The following PLD1 variants were observed in gnomAD, a reference collection of about 807,000 sequenced individuals.
PLD1 encodes choline phosphatase 1.
In PLD1, 112 loss-of-function variants were observed where a neutral mutation model predicts 137.1. The ratio of observed to expected loss-of-function variants is 0.82; its 90% confidence interval spans 0.70 to 0.96. The LOEUF (loss-of-function observed/expected upper bound fraction) is 0.96. PLD1 is among the 40% of genes least tolerant of loss of function. The pLI, the probability that PLD1 is intolerant of heterozygous loss-of-function variation, is 0.00. For synonymous variants in PLD1, 431 were observed against 454.7 expected (o/e 0.95, Z 0.66); for missense variants, 1,321 against 1,342.0 (o/e 0.98, Z 0.24).
chr3:171,779,268 G>T (rs544718607), intron 1 of PLD1, among the ~76,000 whole-genome samples: 114 of 152,302 alleles, frequency 7.5e-4, no homozygotes, highest in Non-Finnish European at 1.4e-3. Context: ...TATTGCAGTA[G>T]TCCAGGTGGG....
At chr3:171,648,535 C>T (rs1736460824) in intron 21 of PLD1, among the ~76,000 whole-genome samples, 1 of 151,688 alleles carries the variant, frequency 6.6e-6, no homozygotes, top group Admixed American at 6.6e-5. Flanking sequence ...CTTGGAAATC[C>T]TTCCACATAA....
intron 23 of PLD1, among the ~76,000 whole-genome samples, chr3:171,623,612 G>A (rs888531735): frequency 7.9e-5 from 12 of 151,702 alleles, no homozygotes; most frequent in East Asian, 1.9e-4. Context: ...ATGAGCCACC[G>A]TGCCAGGCCA....
intron 23 of PLD1, among the ~76,000 whole-genome samples, chr3:171,633,783 A>T (rs1010019471): frequency 4.6e-5 from 7 of 152,274 alleles, no homozygotes; most frequent in African/African-American, 1.7e-4. Context: ...TCTGGCCCTT[A>T]TCTTAAATTA....
intron 3 of PLD1, among the ~76,000 whole-genome samples, chr3:171,736,824 C>T (rs930129947): frequency 2.0e-5 from 3 of 152,162 alleles, no homozygotes; most frequent in East Asian, 1.9e-4. Flanking sequence ...TGTCCTCCCC[C>T]GGAGACTTAA....
intron 8 of PLD1, among the ~76,000 whole-genome samples, chr3:171,720,439 G>A (rs1718031567): frequency 6.6e-6 from 1 of 151,990 alleles, no homozygotes; most frequent in East Asian, 1.9e-4. Flanking sequence ...AAAATTAGCC[G>A]GGCGTCATGC....
chr3:171,733,129 T>G (rs1396539442), intron 6 of PLD1, among the ~76,000 whole-genome samples: 5 of 152,236 alleles, frequency 3.3e-5, no homozygotes, highest in Non-Finnish European at 7.3e-5. Flanking sequence ...AAATGCTTTT[T>G]GGCATTATCC....
At chr3:171,751,728 C>T (rs950323277) in intron 1 of PLD1, among the ~76,000 whole-genome samples, 6 of 152,128 alleles carry the variant, frequency 3.9e-5, no homozygotes, top group South Asian at 2.1e-4. Flanking sequence ...TGGCCAAGCG[C>T]GGTGGCTCAC....
At chr3:171,729,885 A>T (rs1361508582) in intron 6 of PLD1, among the ~76,000 whole-genome samples, 2 of 152,176 alleles carry the variant, frequency 1.3e-5, no homozygotes, top group African/African-American at 2.4e-5. Context: ...ACTCAGTATT[A>T]TTGATCTGTG....
chr3:171,768,534 G>T (rs918536904), intron 1 of PLD1, among the ~76,000 whole-genome samples: 1 of 152,170 alleles, frequency 6.6e-6, no homozygotes, highest in African/African-American at 2.4e-5. Flanking sequence ...GAACGGAACT[G>T]GTCCATCAGG....
At chr3:171,769,731 A>G (rs1039814548) in intron 1 of PLD1, among the ~76,000 whole-genome samples, 2 of 152,208 alleles carry the variant, frequency 1.3e-5, no homozygotes, top group Non-Finnish European at 2.9e-5. Flanking sequence ...AGTTTAGCAT[A>G]TCACCTCAGA....
intron 8 of PLD1, among the ~76,000 whole-genome samples, chr3:171,720,635 C>T (rs1053115475): frequency 2.6e-5 from 4 of 151,414 alleles, no homozygotes; most frequent in Non-Finnish European, 5.9e-5. Flanking sequence ...TATATGTTAT[C>T]ATCTATATAT....
At chr3:171,694,261 A>G (rs1715479211) in intron 12 of PLD1, among the ~76,000 whole-genome samples, 1 of 152,084 alleles carries the variant, frequency 6.6e-6, no homozygotes, top group Non-Finnish European at 1.5e-5. Flanking sequence ...AAGAATATAT[A>G]TGTCATACTA....
chr3:171,707,171 T>C (rs553634136), intron 11 of PLD1, among the ~76,000 whole-genome samples: 15 of 152,148 alleles, frequency 9.9e-5, no homozygotes, highest in South Asian at 2.1e-4. Context: ...TTTCAGAAGG[T>C]AGAGGGAGAG....
intron 24 of PLD1, among the ~76,000 whole-genome samples, chr3:171,617,926 C>T (rs1733256200): frequency 6.6e-6 from 1 of 151,840 alleles, no homozygotes; most frequent in Non-Finnish European, 1.5e-5. Context: ...ATATTCTCAA[C>T]CTAACTTCTC....
At chr3:171,798,933 C>A (rs1243298134) in intron 1 of PLD1, among the ~76,000 whole-genome samples, 1 of 152,166 alleles carries the variant, frequency 6.6e-6, no homozygotes, top group Non-Finnish European at 1.5e-5. Flanking sequence ...TCATGGGTAG[C>A]CTACCGCACA....
chr3:171,804,553 C>A (rs576261246), intron 1 of PLD1, among the ~76,000 whole-genome samples: 1 of 152,278 alleles, frequency 6.6e-6, no homozygotes, highest in East Asian at 1.9e-4. Flanking sequence ...CCTCAAGGAC[C>A]TTGCCCTCTC....
At chr3:171,611,332 T>C (rs1478450776) in intron 25 of PLD1, 1 of 191,114 alleles carries the variant, frequency 5.2e-6, no homozygotes, top group African/African-American at 2.3e-5. Context: ...GACGAGATTA[T>C]ATTACTTGTT....
intron 6 of PLD1, among the ~76,000 whole-genome samples, chr3:171,732,438 G>C (rs576711890): frequency 5.3e-5 from 8 of 152,278 alleles, no homozygotes; most frequent in East Asian, 1.9e-4. Context: ...CAGGTCACCT[G>C]TGTGTAATGG....
intron 19 of PLD1, among the ~76,000 whole-genome samples, chr3:171,673,264 C>T (rs1033995672): frequency 1.3e-5 from 2 of 151,334 alleles, no homozygotes; most frequent in East Asian, 1.9e-4. Context: ...TATTTGCTGC[C>T]GATATTTCTC....
Sources: gnomAD v4.1 joint callset for allele counts (sites outside exome capture counted in the v4.1 genomes callset) on GRCh38, gnomAD v4.1.1 for gene constraint, MANE v1.5 for transcripts, NCBI Gene and HGNC (gene_info 2026-07-23, HGNC 2026-07-21) for gene names.